CDK10: variants seen among roughly 807,000 people sequenced by gnomAD.
The protein encoded by CDK10 is cyclin-dependent kinase 10.
Under a neutral mutation model 51.0 loss-of-function variants are expected in CDK10, and 55 were observed. The observed-to-expected ratio is 1.08, with a 90% CI of 0.87 to 1.35. The LOEUF (loss-of-function observed/expected upper bound fraction) is 1.35. CDK10 is among the 40% of genes most tolerant of loss of function. CDK10 has a pLI of 0.00. For synonymous variants in CDK10, 255 were observed against 199.1 expected (o/e 1.28, Z -2.36); for missense variants, 589 against 485.1 (o/e 1.21, Z -2.01).
In CDK10 at chr16:89,693,267, A is replaced by G. The variant is rs2060538064; in HGVS notation, c.486-7A>G. 2 of 1,614,012 alleles carry G rather than the reference A, an allele frequency of 1.2e-6. No homozygotes were observed. The highest frequency in any genetic ancestry group is 8.5e-7 in the Non-Finnish European group (1 of 1,179,998). ...GGGAGCCACCTGCCACTGTTTTTCC[A>G]TCACAGGGACCTGAAGGTTTCCAAC... On this transcript the variant is annotated splice_polypyrimidine_tract_variant and splice_region_variant and intron_variant, in intron 6 of 12. Coordinates refer to ENST00000353379, the MANE Select transcript of CDK10 (RefSeq NM_052988.5).
intron 1 of CDK10, chr16:89,687,505 G>A (rs1233005538): frequency 4.4e-6 from 2 of 456,090 alleles, no homozygotes; most frequent in Non-Finnish European, 4.4e-6. Flanking sequence ...TGCAGCAGGC[G>A]CTCACCGCGT....
At chr16:89,692,538 T>G in intron 6 of CDK10, 22 bp downstream of exon 6, 2 of 1,556,578 alleles carry the variant, frequency 1.3e-6, no homozygotes, top group Non-Finnish European at 1.7e-6. Context: ...CTAGGCAGAG[T>G]TGGAAGCACA....
At position 89,694,551 on chromosome 16, in the gene CDK10, C is replaced by T. The variant is rs56380063; in HGVS notation, c.669-114C>T. 1.5e-5 allele frequency: 23 copies of T among 1,506,542 alleles called. No individual in the cohort carries two copies. In the Admixed American group the frequency reaches 1.6e-4, roughly 10 times the overall value. The allele number at this position is 1,506,542 out of a possible 1,614,324, so 93.3% of individuals were successfully genotyped here. ...GTCCTTCACAGTGTCCCTGACCCAG[C>T]GTGCCTCACACTGGCAGGGTCAGCA... On this transcript the variant is annotated intron_variant, in intron 9 of 12. Coordinates refer to ENST00000353379, the MANE Select transcript of CDK10 (RefSeq NM_052988.5).
chr16:89,695,383 T>TGGCTG (rs2060673502), intron 12 of CDK10, 38 bp downstream of exon 12: 2 of 1,598,056 alleles, frequency 1.3e-6, no homozygotes, highest in Admixed American at 3.4e-5. Flanking sequence ...CTGTGGGGTA[T>TGGCTG]GGCTGGGAGC....
At position 89,694,245 on chromosome 16, in the gene CDK10, G is replaced by A. The variant is rs753587036; in HGVS notation, c.668+13G>A. ...GCATCGACATGTGGTGAGGAGATAC[G>A]GTTACCGCTCCTGGGGCCTCAGGAA... On this transcript the variant is annotated intron_variant, in intron 9 of 12. Transcript: ENST00000353379. The A allele has an allele frequency of 1.5e-5, 25 of 1,613,306 alleles. No homozygotes were observed. In the South Asian group the frequency reaches 2.4e-4, roughly 16 times the overall value.
At position 89,686,824 on chromosome 16, in the gene CDK10, C is replaced by G. The variant is rs144189225; in HGVS notation, c.87+27C>G. The G allele has an allele frequency of 6.8e-4, 1,074 of 1,578,666 alleles. 6 individuals carry two copies. In the African/African-American group the frequency reaches 0.014, roughly 20 times the overall value. ...TGCGCGGGGTGCCACCCGGGCAGCT[C>G]TGCCCGCCTCGCTAGCGGCACTGCC... is the stretch of plus-strand genomic sequence containing the variant. On this transcript the variant is annotated intron_variant, in intron 1 of 12. Coordinates refer to ENST00000353379, the MANE Select transcript of CDK10 (RefSeq NM_052988.5).
chr16:89,691,392 C>A, intron 3 of CDK10, 51 bp from the exon 4 acceptor site: 1 of 1,398,264 alleles, frequency 7.2e-7, no homozygotes. Context: ...GGGGTTGGGG[C>A]TTCCCCGCCA....
In CDK10 at chr16:89,696,024, C is replaced by G. The variant is rs79948219; in HGVS notation, c.*332C>G. The G allele has an allele frequency of 0.013, 7,388 of 589,146 alleles. 615 individuals are homozygous for G. In the East Asian group the frequency reaches 0.15, roughly 12 times the overall value. 36.5% of individuals were successfully genotyped at this position (589,146 alleles called of 1,614,324 possible). A position where few individuals can be genotyped will look rare whatever the true frequency, so the allele number is the denominator to read the frequency against. ...TCTTGGGAGGAGTGGTGGGTGCAGT[C>G]CCCCCGCTGTCTTTGAGTTGTGGTG... On this transcript the variant is annotated 3_prime_UTR_variant, in exon 13 of 13. Coordinates refer to ENST00000353379, the MANE Select transcript of CDK10 (RefSeq NM_052988.5).
chr16:89,687,167 G>T, intron 1 of CDK10: 1 of 218,408 alleles, frequency 4.6e-6, no homozygotes, highest in Non-Finnish European at 9.4e-6. Context: ...TTACACCCGC[G>T]ACGAGTTCGA....
At chr16:89,694,446 TGGA>T (rs2060602874) in intron 9 of CDK10, 3 of 883,654 alleles carry the variant, frequency 3.4e-6, no homozygotes, top group Non-Finnish European at 5.3e-6. Context: ...CACAGAGGTC[TGGA>T]GGAGGCACGC....
At position 89,691,784 on chromosome 16, in the gene CDK10, A is replaced by G. The variant is rs374698077; in HGVS notation, c.336-22A>G. 6.2e-6 allele frequency: 10 copies of G among 1,608,982 alleles called. No homozygotes were observed. In the African/African-American group the frequency reaches 1.1e-4, roughly 17 times the overall value. On this transcript the variant is annotated intron_variant, in intron 4 of 12. Transcript: ENST00000353379. Reference sequence around the variant, plus strand: ...CCTTAGGAGAAGGCCGGAGAGTGGCATGCATCTTCTGTTTCTTCCAGCATC... The same window carrying G: ...CCTTAGGAGAAGGCCGGAGAGTGGCGTGCATCTTCTGTTTCTTCCAGCATC...
Position 89,695,935 on chromosome 16 carries a change from C to T in CDK10, c.*243C>T. ...CCTGGAAGGGCAGGTCTGGCGGCTC[C>T]ATCCGTGGCTGCAGGGGTCTCATGT... On this transcript the variant is annotated 3_prime_UTR_variant, in exon 13 of 13. Transcript: ENST00000353379. 2.7e-6 allele frequency: 2 copies of T among 743,362 alleles called. No individual in the cohort carries two copies. Among genetic ancestry groups the T allele is most frequent in the Non-Finnish European group, 4.5e-6 (2 of 448,202 alleles). The allele number at this position is 743,362 out of a possible 1,614,324, so 46.0% of individuals were successfully genotyped here. A position where few individuals can be genotyped will look rare whatever the true frequency, so the allele number is the denominator to read the frequency against.
Position 89,691,892 on chromosome 16 carries a change from G to T in CDK10, c.417+5G>T. Reference sequence around the variant, plus strand: ...ACACCCTTCTCGGAGGCTCAGGTGCGTGGCAGAGGGGCCTGGGGTGGGGGA... The same window carrying T: ...ACACCCTTCTCGGAGGCTCAGGTGCTTGGCAGAGGGGCCTGGGGTGGGGGA... On this transcript the variant is annotated splice_donor_5th_base_variant and intron_variant, in intron 5 of 12. Transcript: ENST00000353379. The T allele has an allele frequency of 6.2e-7, 1 of 1,613,226 alleles. No homozygotes were observed. The highest frequency in any genetic ancestry group is 1.1e-5 in the South Asian group (1 of 91,054).
Position 89,694,176 on chromosome 16 carries a change from C to G in CDK10, c.612C>G (p.Tyr204Ter), listed in dbSNP as rs1422483421. 6.2e-7 allele frequency: 1 copy of G among 1,613,844 alleles called. No homozygotes were observed. Among genetic ancestry groups the G allele is most frequent in the African/African-American group, 1.3e-5 (1 of 74,854 alleles). Residue 204 changes from tyrosine (Y) to a stop codon, truncating the protein, a stop_gained, in exon 9 of 13, where the codon TAC becomes TAG. Coordinates refer to ENST00000353379, the MANE Select transcript of CDK10 (RefSeq NM_052988.5). LOFTEE classifies it high-confidence loss of function. ...AGGTGGGTGCTTCTGTGTGTAGGTA[C>G]CGAGCCCCTGAACTGCTGTTGGGAA... ...PMTPKVVTLWYRAPELLLGTT... is the reference protein window; with the variant it reads ...PMTPKVVTLW
intron 1 of CDK10, 39 bp from the exon 2 acceptor site, chr16:89,689,213 C>G (rs1388883413): frequency 6.3e-7 from 1 of 1,592,390 alleles, no homozygotes; most frequent in African/African-American, 1.3e-5. Context: ...GTTCCATCAG[C>G]TGCCAAATTT....
In CDK10 at chr16:89,686,783, C is replaced by T. The variant is rs1295291670; in HGVS notation, c.73C>T (p.Pro25Ser). ...CIRKEGFFTVPPEHRLGRCRS... is the reference protein window; with the variant it reads ...CIRKEGFFTVSPEHRLGRCRS... ...TCGTAAGGAGGGCTTCTTCACGGTG[C>T]CTCCGGAACACAGGGTGCGCGGGGT... is the stretch of plus-strand genomic sequence containing the variant. The change falls in exon 1 of 13, where the codon CCT becomes TCT. Residue 25 changes from proline to serine, a missense_variant. Physicochemically the swap from Pro to Ser is moderately conservative, Grantham distance 74 (BLOSUM62 -1). Transcript: ENST00000353379. The T allele has an allele frequency of 6.2e-7, 1 of 1,611,774 alleles. No individual in the cohort carries two copies. Among genetic ancestry groups the T allele is most frequent in the African/African-American group, 1.3e-5 (1 of 74,864 alleles).
chr16:89,688,267 A>G (rs2060290022), intron 1 of CDK10, among the ~76,000 whole-genome samples: 2 of 151,918 alleles, frequency 1.3e-5, no homozygotes, highest in African/African-American at 2.4e-5. Context: ...TATTTTTAGT[A>G]GAGACGGAGT....
intron 9 of CDK10, 53 bp from the exon 10 acceptor site, chr16:89,694,612 G>C: frequency 6.4e-7 from 1 of 1,556,782 alleles, no homozygotes; most frequent in Admixed American, 1.9e-5. Flanking sequence ...TGTTCCTCGC[G>C]CTGGCGGGGT....
At chr16:89,695,562 G>GC in intron 12 of CDK10, 33 bp from the exon 13 acceptor site, 1 of 1,579,460 alleles carries the variant, frequency 6.3e-7, no homozygotes, top group Non-Finnish European at 8.6e-7. Context: ...CTGGGGCCCT[G>GC]CCCCGCCCAG....
Sources: allele counts gnomAD v4.1 joint callset (sites outside exome capture counted in the v4.1 genomes callset), GRCh38; gene constraint gnomAD v4.1.1; transcripts MANE v1.5; gene names NCBI Gene and HGNC (gene_info 2026-07-23, HGNC 2026-07-21).